CMTM8: variants seen among roughly 807,000 people sequenced by gnomAD.
CMTM8 encodes the protein CKLF like MARVEL transmembrane domain containing 8.
In CMTM8, 12 loss-of-function variants were observed where a neutral mutation model predicts 18.6. The observed-to-expected ratio is 0.65, with a 90% CI of 0.41 to 1.05. The LOEUF is 1.05. CMTM8 is among the 50% of genes least tolerant of loss of function. The pLI, the probability that CMTM8 is intolerant of heterozygous loss-of-function variation, is 0.00. For synonymous variants in CMTM8, 87 were observed against 90.6 expected (o/e 0.96, Z 0.23); for missense variants, 217 against 227.2 (o/e 0.95, Z 0.29).
intron 1 of CMTM8, among the ~76,000 whole-genome samples, chr3:32,296,933 G>A (rs146976793): frequency 6.6e-6 from 1 of 152,202 alleles, no homozygotes; most frequent in African/African-American, 2.4e-5. Context: ...CCACATTTTC[G>A]TTATTGTAAA....
At chr3:32,263,629 G>T (rs1702289627) in intron 1 of CMTM8, among the ~76,000 whole-genome samples, 1 of 152,172 alleles carries the variant, frequency 6.6e-6, no homozygotes, top group Non-Finnish European at 1.5e-5. Context: ...AGAGAAGAAG[G>T]CTTCAGACAA....
chr3:32,298,975 A>G (rs975913959), intron 1 of CMTM8, among the ~76,000 whole-genome samples: 60 of 140,986 alleles, frequency 4.3e-4, no homozygotes, highest in Non-Finnish European at 1.7e-4. Context: ...TTTTAGAGAC[A>G]GGGGTCCAGG....
chr3:32,337,878 C>T (rs1696416713), intron 1 of CMTM8, among the ~76,000 whole-genome samples: 2 of 151,508 alleles, frequency 1.3e-5, no homozygotes, highest in African/African-American at 2.4e-5. Context: ...CATTCATTTA[C>T]ATATTGTTTA....
At position 32,341,843 on chromosome 3, in the gene CMTM8, C is replaced by G. The variant is rs1019224545; in HGVS notation, c.148-15530C>G. ...AGTGAGCCAAGGTTGCCGCTGCACT[C>G]TAGCCTGGGCGACAGAGCAAGACTC... is the stretch of plus-strand genomic sequence containing the variant. On this transcript the variant is annotated intron_variant, in intron 1 of 3. Coordinates refer to ENST00000307526, the MANE Select transcript of CMTM8 (RefSeq NM_178868.5). Among the ~76,000 whole-genome samples the G allele has an allele frequency of 2.6e-5, 4 of 151,244 alleles. No individual in the cohort carries two copies. In the South Asian group the frequency reaches 8.4e-4, roughly 32 times the overall value.
intron 1 of CMTM8, among the ~76,000 whole-genome samples, chr3:32,284,683 T>C (rs1403678911): frequency 6.6e-6 from 1 of 152,222 alleles, no homozygotes; most frequent in Non-Finnish European, 1.5e-5. Flanking sequence ...ATCTTTGTAC[T>C]CCAGTACCTG....
In CMTM8 at chr3:32,364,028, G is replaced by C. The variant is rs572942887; in HGVS notation, c.322-3844G>C. On this transcript the variant is annotated intron_variant, in intron 2 of 3. Coordinates refer to ENST00000307526, the MANE Select transcript of CMTM8 (RefSeq NM_178868.5). ...AATGTGTGGTAATAGGGACTAGAGA[G>C]CCAGAAAGGCAAGCCGCAGGTGAAG... Among the ~76,000 whole-genome samples the C allele has an allele frequency of 3.9e-5, 6 of 152,272 alleles. No individual in the cohort carries two copies. The South Asian group carries it at 1.2e-3, about 32-fold the overall frequency.
intron 1 of CMTM8, among the ~76,000 whole-genome samples, chr3:32,337,641 C>G (rs1242747753): frequency 1.3e-5 from 2 of 152,182 alleles, no homozygotes; most frequent in African/African-American, 4.8e-5. Context: ...GAAAATAGGG[C>G]TTCTTAAACT....
In CMTM8 at chr3:32,238,772, C is replaced by T. The variant is rs1575141002; in HGVS notation, c.-201C>T. The T allele has an allele frequency of 1.2e-5, 4 of 323,456 alleles. No homozygotes were observed. The East Asian group carries it at 2.0e-4, about 16-fold the overall frequency. 20.0% of individuals were successfully genotyped at this position (323,456 alleles called of 1,614,324 possible). ...CAGCGCAGCTCGGGAGCCCGCGCAC[C>T]GAGGCGCTAGGGGCACCGCGCACTA... On this transcript the variant is annotated 5_prime_UTR_variant, in exon 1 of 4. Coordinates refer to ENST00000307526, the MANE Select transcript of CMTM8 (RefSeq NM_178868.5).
intron 2 of CMTM8, among the ~76,000 whole-genome samples, chr3:32,360,618 C>T (rs926593498): frequency 2.6e-5 from 4 of 152,240 alleles, no homozygotes; most frequent in Non-Finnish European, 4.4e-5. Context: ...CAGATGCCAG[C>T]CCAACTGTCG....
At chr3:32,295,470 A>C (rs1040925915) in intron 1 of CMTM8, among the ~76,000 whole-genome samples, 2 of 141,030 alleles carry the variant, frequency 1.4e-5, no homozygotes, top group Non-Finnish European at 3.0e-5. Context: ...AAAAAAAAAA[A>C]AAAAAAAACA....
chr3:32,275,186 T>G (rs529411822), intron 1 of CMTM8, among the ~76,000 whole-genome samples: 1 of 149,974 alleles, frequency 6.7e-6, no homozygotes, highest in Non-Finnish European at 1.5e-5. Context: ...GGTGTTTGGT[T>G]TTTTTTTTTG....
chr3:32,353,939 G>A (rs1038615276), intron 1 of CMTM8, among the ~76,000 whole-genome samples: 2 of 151,614 alleles, frequency 1.3e-5, no homozygotes, highest in Admixed American at 6.6e-5. Flanking sequence ...CAGGTACCAC[G>A]ACGCCCAGCT....
chr3:32,331,979 A>G (rs1032391728), intron 1 of CMTM8, among the ~76,000 whole-genome samples: 2 of 152,136 alleles, frequency 1.3e-5, no homozygotes, highest in Non-Finnish European at 1.5e-5. Flanking sequence ...TGCAGTCAAC[A>G]CTACTGTGTA....
At position 32,309,300 on chromosome 3, in the gene CMTM8, A is replaced by ATTTTT. The variant is rs4038996; in HGVS notation, c.148-48053_148-48049dup. 6.2e-5 allele frequency among the ~76,000 whole-genome samples: 6 copies of ATTTTT among 96,434 alleles called. 1 individual carries two copies. The highest frequency in any genetic ancestry group is 8.0e-5 in the Non-Finnish European group (4 of 50,304). The allele number at this position is 96,434 out of a possible 152,430, so 63.3% of individuals were successfully genotyped here. On this transcript the variant is annotated intron_variant, in intron 1 of 3. Transcript: ENST00000307526. ...GGCTGAGCTCTCAACCAATTTACCAATTTTTTTTTTTTTTTTTTTTTTTTC... is the reference window on the plus strand; with the variant it reads ...GGCTGAGCTCTCAACCAATTTACCAATTTTTTTTTTTTTTTTTTTTTTTTTTTTTC...
chr3:32,343,930 A>G (rs1277385110), intron 1 of CMTM8, among the ~76,000 whole-genome samples: 1 of 152,058 alleles, frequency 6.6e-6, no homozygotes, highest in Non-Finnish European at 1.5e-5. Context: ...CAAACTCCTG[A>G]CCTCGAGTGA....
intron 2 of CMTM8, among the ~76,000 whole-genome samples, chr3:32,361,296 C>CTTTTTTTTTTTTT (rs1559390127): frequency 7.9e-6 from 1 of 125,910 alleles, no homozygotes; most frequent in African/African-American, 2.9e-5. Context: ...GTTTTTTTTT[C>CTTTTTTTTTTTTT]TTTCAAATTT....
At chr3:32,295,415 C>A (rs1702855536) in intron 1 of CMTM8, among the ~76,000 whole-genome samples, 1 of 119,848 alleles carries the variant, frequency 8.3e-6, no homozygotes, top group South Asian at 2.9e-4. Flanking sequence ...AAGATTGCAA[C>A]ACTGTGTTCC....
chr3:32,259,003 C>T (rs1015114837), intron 1 of CMTM8: 2 of 348,310 alleles, frequency 5.7e-6, no homozygotes, highest in East Asian at 7.4e-5. Flanking sequence ...TGTCCAGGGG[C>T]CCAGCTACTG....
chr3:32,260,352 T>C, intron 1 of CMTM8: 2 of 542,954 alleles, frequency 3.7e-6, no homozygotes, highest in Non-Finnish European at 3.2e-6. Context: ...CGTTAATATT[T>C]TGCCTATATT....
Sources: gnomAD v4.1 joint callset for allele counts (sites outside exome capture counted in the v4.1 genomes callset) on GRCh38, gnomAD v4.1.1 for gene constraint, MANE v1.5 for transcripts, NCBI Gene and HGNC (gene_info 2026-07-23, HGNC 2026-07-21) for gene names.